ARMC9: variants seen among roughly 807,000 people sequenced by gnomAD.
ARMC9 encodes the protein armadillo repeat containing 9.
Under a neutral mutation model 107.0 loss-of-function variants are expected in ARMC9, and 94 were observed. That is an observed-to-expected ratio of 0.88 (90% CI 0.74 to 1.04). The LOEUF (loss-of-function observed/expected upper bound fraction) is 1.04. ARMC9 is among the 50% of genes least tolerant of loss of function. The pLI, the probability that ARMC9 is intolerant of heterozygous loss-of-function variation, is 0.00. For missense variants in ARMC9, 942 were observed against 1,030.1 expected, an observed-to-expected ratio of 0.91 and a Z score of 1.17; for synonymous variants, 380 against 396.9, an observed-to-expected ratio of 0.96 and a Z score of 0.51.
chr2:231,367,132 G>A (rs971597684), intron 23 of ARMC9, among the ~76,000 whole-genome samples: 3 of 152,030 alleles, frequency 2.0e-5, no homozygotes, highest in Admixed American at 6.5e-5. Context: ...TTACAGGCGT[G>A]AGCCACCATG....
intron 1 of ARMC9, among the ~76,000 whole-genome samples, chr2:231,201,306 C>T (rs1270763314): frequency 6.6e-6 from 1 of 152,240 alleles, no homozygotes; most frequent in Non-Finnish European, 1.5e-5. Context: ...TGCCATACCC[C>T]TTGCCAGCCC....
At chr2:231,295,981 G>A (rs1006226242) in intron 18 of ARMC9, 2 of 386,328 alleles carry the variant, frequency 5.2e-6, no homozygotes, top group East Asian at 7.6e-5. Context: ...CTATAATCAT[G>A]TTCTGGTAAA....
chr2:231,376,120 G>T lies in ARMC9; in HGVS notation c.*4585G>T, dbSNP rs1396584940. On this transcript the variant is annotated 3_prime_UTR_variant, in exon 25 of 25. Coordinates refer to ENST00000611582, the MANE Select transcript of ARMC9 (RefSeq NM_001352754.2). ...TTAATCTCTTAATCCTGTCAGCTGA[G>T]GGGGATGTATGTTGCCTCAGGACCC... is the stretch of plus-strand genomic sequence containing the variant. Among the ~76,000 whole-genome samples the T allele has an allele frequency of 6.6e-6, 1 of 152,136 alleles. No homozygotes were observed. The highest frequency in any genetic ancestry group is 1.5e-5 in the Non-Finnish European group (1 of 68,044).
At chr2:231,315,688 T>G (rs1559451196) in intron 19 of ARMC9, among the ~76,000 whole-genome samples, 1 of 152,046 alleles carries the variant, frequency 6.6e-6, no homozygotes, top group East Asian at 1.9e-4. Context: ...AAACACGAGT[T>G]CTTCAACTTT....
In ARMC9 at chr2:231,302,449, T is replaced by G. The variant is rs796407078; in HGVS notation, c.1773+6196T>G. Among the ~76,000 whole-genome samples the G allele has an allele frequency of 4.2e-3, 573 of 137,778 alleles. 3 individuals are homozygous for G. Among genetic ancestry groups the G allele is most frequent in the African/African-American group, 0.012 (415 of 33,408 alleles). The allele number at this position is 137,778 out of a possible 152,430, so 90.4% of individuals were successfully genotyped here. A position where few individuals can be genotyped will look rare whatever the true frequency, so the allele number is the denominator to read the frequency against. On this transcript the variant is annotated intron_variant, in intron 19 of 24. Coordinates refer to ENST00000611582, the MANE Select transcript of ARMC9 (RefSeq NM_001352754.2). ...GCATTGTGGGTTTGTTTTTTTTTTTTTTTTTTTTTTTTTGCCAATCTCTTT... is the reference window on the plus strand; with the variant it reads ...GCATTGTGGGTTTGTTTTTTTTTTTGTTTTTTTTTTTTTGCCAATCTCTTT...
intron 5 of ARMC9, among the ~76,000 whole-genome samples, chr2:231,220,610 A>C (rs928954851): frequency 1.8e-4 from 27 of 151,782 alleles, no homozygotes; most frequent in African/African-American, 6.1e-4. Flanking sequence ...AAAAAAAAAA[A>C]AAAAAAAAAA....
chr2:231,323,563 T>G (rs1254895890), intron 19 of ARMC9, among the ~76,000 whole-genome samples: 1 of 152,210 alleles, frequency 6.6e-6, no homozygotes, highest in Non-Finnish European at 1.5e-5. Context: ...TCCCAAGCCC[T>G]AAGGATGCCT....
chr2:231,345,341 C>A, intron 21 of ARMC9: 1 of 565,330 alleles, frequency 1.8e-6, no homozygotes, highest in Non-Finnish European at 2.7e-6. Flanking sequence ...CAAATGTTGG[C>A]CAGAGTAATT....
chr2:231,349,836 C>G (rs1212659907), intron 21 of ARMC9, among the ~76,000 whole-genome samples: 5 of 151,714 alleles, frequency 3.3e-5, no homozygotes, highest in African/African-American at 1.2e-4. Flanking sequence ...TGACTATAGT[C>G]AATAATAATT....
chr2:231,370,911 G>A lies in ARMC9; in HGVS notation c.2435-602G>A, dbSNP rs114867712. 8.5e-3 allele frequency: 2,767 copies of A among 323,998 alleles called. 78 individuals are homozygous for A. The highest frequency in any genetic ancestry group is 0.053 in the African/African-American group (2,369 of 44,840). The allele number at this position is 323,998 out of a possible 1,614,324, so 20.1% of individuals were successfully genotyped here. A position where few individuals can be genotyped will look rare whatever the true frequency, so the allele number is the denominator to read the frequency against. On this transcript the variant is annotated intron_variant, in intron 24 of 24. Coordinates refer to ENST00000611582, the MANE Select transcript of ARMC9 (RefSeq NM_001352754.2). ...ATGCGCATTTCTTTGGCCGCCCCCAGCCCGCCCCACCCTACTACCTTCCTG... is the reference window on the plus strand; with the variant it reads ...ATGCGCATTTCTTTGGCCGCCCCCAACCCGCCCCACCCTACTACCTTCCTG...
At chr2:231,260,333 C>T (rs2038215966) in intron 11 of ARMC9, among the ~76,000 whole-genome samples, 1 of 152,066 alleles carries the variant, frequency 6.6e-6, no homozygotes, top group Non-Finnish European at 1.5e-5. Context: ...TTTGGGGGAC[C>T]TCTTAGGGTT....
At chr2:231,243,420 A>G (rs1559342044) in intron 9 of ARMC9, among the ~76,000 whole-genome samples, 1 of 152,162 alleles carries the variant, frequency 6.6e-6, no homozygotes, top group Non-Finnish European at 1.5e-5. Context: ...CTCAAAAGAA[A>G]GAAAAAACTG....
chr2:231,336,923 G>C (rs2044128642), intron 20 of ARMC9, among the ~76,000 whole-genome samples: 1 of 152,120 alleles, frequency 6.6e-6, no homozygotes, highest in Non-Finnish European at 1.5e-5. Context: ...CTCCTAGGCT[G>C]GGCTCAGACC....
chr2:231,199,037 G>C (rs1211873200), intron 1 of ARMC9: 2 of 152,212 alleles, frequency 1.3e-5, no homozygotes, highest in African/African-American at 2.4e-5. Context: ...GGTTATCCGG[G>C]ATTTAGATCC....
At chr2:231,317,076 C>G (rs1055381939) in intron 19 of ARMC9, among the ~76,000 whole-genome samples, 1 of 152,104 alleles carries the variant, frequency 6.6e-6, no homozygotes, top group Non-Finnish European at 1.5e-5. Context: ...TTGTTTTCCC[C>G]TTACTTTTGA....
chr2:231,239,612 GACTTT>G (rs1326778606), intron 8 of ARMC9, among the ~76,000 whole-genome samples: 3 of 152,306 alleles, frequency 2.0e-5, no homozygotes, highest in African/African-American at 7.2e-5. Context: ...GTTGTCCAGT[GACTTT>G]GTTACATGAA....
intron 17 of ARMC9, among the ~76,000 whole-genome samples, chr2:231,283,928 G>T (rs1362162887): frequency 1.3e-5 from 2 of 152,060 alleles, no homozygotes; most frequent in Non-Finnish European, 2.9e-5. Context: ...GTCTTACCAT[G>T]TTGCCCAAGC....
At chr2:231,321,046 G>C (rs140847360) in intron 19 of ARMC9, among the ~76,000 whole-genome samples, 1 of 152,312 alleles carries the variant, frequency 6.6e-6, no homozygotes, top group East Asian at 1.9e-4. Context: ...CTTTGGGCAA[G>C]CTGGTGAACC....
Position 231,360,243 on chromosome 2 carries a change from G to A in ARMC9, c.2132-511G>A, listed in dbSNP as rs1203022721. On this transcript the variant is annotated intron_variant, in intron 22 of 24. Transcript: ENST00000611582. The surrounding 1 kb of genome is among the most constrained non-coding windows in gnomAD (Gnocchi z 4.7). ...GGCATCAGCTACAGCACAAGTCACT[G>A]GGAGTTAGGGCACTTCCTGGCCACC... Among the ~76,000 whole-genome samples, 2 of 152,162 alleles carry A rather than the reference G, an allele frequency of 1.3e-5. No homozygotes were observed. Among genetic ancestry groups the A allele is most frequent in the Non-Finnish European group, 2.9e-5 (2 of 68,024 alleles).
Sources: gnomAD v4.1 joint callset for allele counts (sites outside exome capture counted in the v4.1 genomes callset) on GRCh38, gnomAD v4.1.1 for gene constraint, Gnocchi (gnomAD v3.1) non-coding constraint, MANE v1.5 for transcripts, NCBI Gene and HGNC (gene_info 2026-07-23, HGNC 2026-07-21) for gene names.